CWF19L2: variants seen among roughly 807,000 people sequenced by gnomAD.
CWF19L2 encodes the protein CWF19-like protein 2.
In CWF19L2, 98 loss-of-function variants were observed where a neutral mutation model predicts 111.7. That is an observed-to-expected ratio of 0.88 (90% CI 0.75 to 1.04). CWF19L2 has a LOEUF of 1.04. Ranked by LOEUF, CWF19L2 falls within the 50% of genes least tolerant of loss-of-function variation. The pLI, the probability that CWF19L2 is intolerant of heterozygous loss-of-function variation, is 0.00. For synonymous variants in CWF19L2, 351 were observed against 342.9 expected (o/e 1.02, Z -0.26); for missense variants, 1,101 against 1,051.4 (o/e 1.05, Z -0.65).
At chr11:107,389,131 A>C (rs73547700) in intron 12 of CWF19L2, among the ~76,000 whole-genome samples, 16,772 of 152,226 alleles carry the variant, frequency 0.11, 1,599 homozygotes, top group African/African-American at 0.24. Flanking sequence ...AAAAGATTGT[A>C]AGTCTGAAAA....
chr11:107,389,978 G>T (rs878959840), intron 12 of CWF19L2, 96 bp downstream of exon 12: 6 of 1,032,114 alleles, frequency 5.8e-6, no homozygotes, highest in Admixed American at 2.7e-5. Context: ...AATGAATCAA[G>T]ATTAGAGAGA....
rs1025042527 is a variant in CWF19L2, at chr11:107,373,514, G to A, written c.1872+16560C>T. 4.6e-5 allele frequency among the ~76,000 whole-genome samples: 6 copies of A among 131,802 alleles called. 1 individual carries two copies. Among genetic ancestry groups the A allele is most frequent in the South Asian group, 5.4e-4 (2 of 3,720 alleles). 86.5% of individuals were successfully genotyped at this position (131,802 alleles called of 152,430 possible). The stretch of plus-strand genomic sequence containing the variant: ...AGGCACCCCCCAGGAGGGGCAGACT[G>A]ACACCTCACATGGCTGGGTACTTCA... On this transcript the variant is annotated intron_variant, in intron 12 of 17. Coordinates refer to ENST00000282251, the MANE Select transcript of CWF19L2 (RefSeq NM_152434.3).
intron 15 of CWF19L2, among the ~76,000 whole-genome samples, chr11:107,335,396 T>G (rs1220273832): frequency 6.6e-6 from 1 of 152,110 alleles, no homozygotes; most frequent in African/African-American, 2.4e-5. Context: ...CTATTTCTGC[T>G]CATATAATGA....
intron 14 of CWF19L2, among the ~76,000 whole-genome samples, chr11:107,337,702 A>T (rs1489481079): frequency 2.6e-5 from 4 of 152,120 alleles, no homozygotes; most frequent in African/African-American, 9.7e-5. Context: ...GTCACCTGAG[A>T]TCAGGAGTTC....
intron 4 of CWF19L2, among the ~76,000 whole-genome samples, 160 bp downstream of exon 4, chr11:107,442,779 G>A (rs1419805572): frequency 7.7e-5 from 4 of 51,806 alleles, no homozygotes; most frequent in East Asian, 4.4e-4. Context: ...AGGAAGGAAG[G>A]AAGGAAGGAA....
At chr11:107,434,691 A>G (rs906135216) in intron 6 of CWF19L2, among the ~76,000 whole-genome samples, 4 of 149,250 alleles carry the variant, frequency 2.7e-5, no homozygotes, top group Non-Finnish European at 4.5e-5. Flanking sequence ...AAAAAAAAAG[A>G]AAAAACTACA....
At chr11:107,402,873 G>GTGTGTATATATATATATATATATATA (rs1247886311) in intron 10 of CWF19L2, among the ~76,000 whole-genome samples, 26 of 94,426 alleles carry the variant, frequency 2.8e-4, no homozygotes, top group East Asian at 8.9e-4. Context: ...ACTGTGGTGT[G>GTGTGTATATATATATATATATATATA]TATATATATA....
intron 12 of CWF19L2, among the ~76,000 whole-genome samples, chr11:107,355,394 G>A (rs1459388266): frequency 1.6e-4 from 23 of 147,022 alleles, no homozygotes; most frequent in South Asian, 2.2e-4. Flanking sequence ...TAGACTGGGC[G>A]ACAAGAGCGA....
chr11:107,335,020 G>T (rs1859902144), intron 15 of CWF19L2, 59 bp from the exon 16 acceptor site: 2 of 1,050,124 alleles, frequency 1.9e-6, no homozygotes, highest in South Asian at 2.6e-5. Flanking sequence ...AAAAGAAACA[G>T]CTTATAACAA....
At chr11:107,383,935 G>A (rs976157861) in intron 12 of CWF19L2, among the ~76,000 whole-genome samples, 2 of 152,122 alleles carry the variant, frequency 1.3e-5, no homozygotes, top group Non-Finnish European at 2.9e-5. Context: ...GTCTGTCACA[G>A]TTCTTTGTAC....
At chr11:107,436,318 G>T (rs564795333) in intron 6 of CWF19L2, among the ~76,000 whole-genome samples, 23 of 152,184 alleles carry the variant, frequency 1.5e-4, no homozygotes, top group Admixed American at 1.3e-3. Flanking sequence ...TTTCAAATCT[G>T]TTATTTATAA....
At chr11:107,455,237 T>C (rs1039603222) in intron 2 of CWF19L2, among the ~76,000 whole-genome samples, 3 of 152,146 alleles carry the variant, frequency 2.0e-5, no homozygotes, top group Admixed American at 1.3e-4. Flanking sequence ...AATCTTTCTA[T>C]AATGTATACA....
chr11:107,401,181 C>T (rs1860994119), intron 10 of CWF19L2, among the ~76,000 whole-genome samples: 1 of 152,150 alleles, frequency 6.6e-6, no homozygotes, highest in East Asian at 1.9e-4. Context: ...ACTCTCACCA[C>T]TCCTCTTCAA....
In CWF19L2 at chr11:107,439,201, C is replaced by G; in HGVS notation, c.571-18G>C. On this transcript the variant is annotated intron_variant, in intron 5 of 17. Transcript: ENST00000282251. ...AGTTTGGACTAGAACAAATTATTTT[C>G]AGAGGTGAAATTTCAAAAAATTAAC... is the stretch of plus-strand genomic sequence containing the variant. 2 of 1,500,058 alleles carry G rather than the reference C, an allele frequency of 1.3e-6. No individual in the cohort carries two copies. The highest frequency in any genetic ancestry group is 1.8e-6 in the Non-Finnish European group (2 of 1,097,296). 92.9% of individuals were successfully genotyped at this position (1,500,058 alleles called of 1,614,324 possible).
In CWF19L2 at chr11:107,428,706, T is replaced by C. The variant is rs998763122; in HGVS notation, c.1433+93A>G. Reference sequence around the variant, plus strand: ...ATCAATTTTAAGAAATGTGAGATCATAGTCACAGCTAATAACTGATGTTCT... The same window carrying C: ...ATCAATTTTAAGAAATGTGAGATCACAGTCACAGCTAATAACTGATGTTCT... On this transcript the variant is annotated intron_variant, in intron 8 of 17. Transcript: ENST00000282251. 32 of 969,022 alleles carry C rather than the reference T, an allele frequency of 3.3e-5. 1 individual carries two copies. Among genetic ancestry groups the C allele is most frequent in the Non-Finnish European group, 4.3e-5 (28 of 644,216 alleles). 60.0% of individuals were successfully genotyped at this position (969,022 alleles called of 1,614,324 possible). A position where few individuals can be genotyped will look rare whatever the true frequency, so the allele number is the denominator to read the frequency against.
chr11:107,421,625 T>C (rs2135402184), intron 8 of CWF19L2, among the ~76,000 whole-genome samples: 1 of 152,132 alleles, frequency 6.6e-6, no homozygotes, highest in East Asian at 1.9e-4. Context: ...CATTAGCCAT[T>C]AGGGGAATAC....
chr11:107,333,310 G>A (rs920061330), intron 16 of CWF19L2, among the ~76,000 whole-genome samples: 3 of 151,916 alleles, frequency 2.0e-5, no homozygotes, highest in African/African-American at 4.8e-5. Context: ...AGACCTCCTG[G>A]CTACTTAATT....
rs116631238 is a variant in CWF19L2, at chr11:107,456,581, T to A, written c.106-805A>T. Among the ~76,000 whole-genome samples the A allele has an allele frequency of 9.0e-3, 1,364 of 152,070 alleles. 19 individuals are homozygous for A. The highest frequency in any genetic ancestry group is 0.031 in the African/African-American group (1,298 of 41,478). ...GCTGTAGTCATTTTCTTTTTTTTTTTAATCAAATATAAAAATAATTTATTA... is the reference window on the plus strand; with the variant it reads ...GCTGTAGTCATTTTCTTTTTTTTTTAAATCAAATATAAAAATAATTTATTA... On this transcript the variant is annotated intron_variant, in intron 1 of 17. Transcript: ENST00000282251.
At chr11:107,422,234 C>T (rs931202985) in intron 8 of CWF19L2, among the ~76,000 whole-genome samples, 3 of 151,922 alleles carry the variant, frequency 2.0e-5, no homozygotes, top group African/African-American at 7.3e-5. Flanking sequence ...TTCACCCAAA[C>T]GTCAATCAAA....
Sources: gnomAD v4.1 joint callset for allele counts (sites outside exome capture counted in the v4.1 genomes callset) on GRCh38, gnomAD v4.1.1 for gene constraint, MANE v1.5 for transcripts, NCBI Gene and HGNC (gene_info 2026-07-23, HGNC 2026-07-21) for gene names.